The following SH3BGRL2 variants were observed in gnomAD, a reference collection of about 807,000 sequenced individuals.
SH3BGRL2 encodes the protein SH3 domain binding glutamate rich protein like 2, also known as SH3 domain-binding glutamic acid-rich-like protein 2.
A neutral mutation model predicts 14.8 loss-of-function variants in SH3BGRL2; 21 were observed. The observed-to-expected ratio is 1.42, with a 90% CI of 1.01 to 2.05. The LOEUF is 2.05. SH3BGRL2 is among the 30% of genes most tolerant of loss of function. The pLI is 0.00. For synonymous variants in SH3BGRL2, 50 were observed against 47.8 expected (o/e 1.05, Z -0.19); for missense variants, 147 against 130.8 (o/e 1.12, Z -0.61).
chr6:79,585,244 A>G, the SH3BGRL2 span, among the ~76,000 whole-genome samples: 3 of 152,106 alleles, frequency 2.0e-5, no homozygotes, highest in Admixed American at 1.3e-4. Flanking sequence ...TTTCAAGCCT[A>G]TAGCCTTCTT....
At chr6:79,600,530 G>T in the SH3BGRL2 span, among the ~76,000 whole-genome samples, 1 of 152,146 alleles carries the variant, frequency 6.6e-6, no homozygotes, top group Non-Finnish European at 1.5e-5. Context: ...GTCACAGTAG[G>T]CAGAAGGCAG....
At chr6:79,691,282 G>C (rs1348349157) in intron 2 of SH3BGRL2, among the ~76,000 whole-genome samples, 1 of 152,026 alleles carries the variant, frequency 6.6e-6, no homozygotes, top group African/African-American at 2.4e-5. Flanking sequence ...TCAAAGGAAA[G>C]GATTTAAGCA....
At chr6:79,552,605 C>G in the SH3BGRL2 span, among the ~76,000 whole-genome samples, 1 of 152,110 alleles carries the variant, frequency 6.6e-6, no homozygotes, top group Non-Finnish European at 1.5e-5. Flanking sequence ...TGGCCAGGAA[C>G]TCAGTTTTAA....
chr6:79,640,131 G>A (rs1052721481), intron 1 of SH3BGRL2, among the ~76,000 whole-genome samples: 2 of 152,130 alleles, frequency 1.3e-5, no homozygotes, highest in African/African-American at 4.8e-5. Flanking sequence ...GGGGTGGCTT[G>A]GAGGAGTAGG....
intron 1 of SH3BGRL2, among the ~76,000 whole-genome samples, chr6:79,635,939 G>A (rs75725908): frequency 6.6e-6 from 1 of 152,162 alleles, no homozygotes; most frequent in South Asian, 2.1e-4. Context: ...AGGCTTCCCT[G>A]TGTAAGGACA....
the SH3BGRL2 span, among the ~76,000 whole-genome samples, chr6:79,578,540 G>C: frequency 6.6e-6 from 1 of 151,548 alleles, no homozygotes; most frequent in Admixed American, 6.6e-5. Flanking sequence ...AACCCCAACA[G>C]ATCTGCAGCT....
At chr6:79,618,930 A>G in the SH3BGRL2 span, among the ~76,000 whole-genome samples, 1 of 151,062 alleles carries the variant, frequency 6.6e-6, no homozygotes, top group Non-Finnish European at 1.5e-5. Context: ...AAAAAAAGAT[A>G]AACAGTAAGT....
intron 2 of SH3BGRL2, among the ~76,000 whole-genome samples, chr6:79,676,605 ATGTGTGTG>A (rs58234438): frequency 2.9e-5 from 4 of 139,670 alleles, no homozygotes; most frequent in African/African-American, 5.3e-5. Context: ...GTCTTTATGT[ATGTGTGTG>A]TGTGTGTGTG....
At chr6:79,545,969 T>C in the SH3BGRL2 span, among the ~76,000 whole-genome samples, 5 of 152,134 alleles carry the variant, frequency 3.3e-5, no homozygotes, top group African/African-American at 1.2e-4. Context: ...TGTTTATGAA[T>C]AACACTGACT....
Position 79,673,819 on chromosome 6 carries a change from T to C in SH3BGRL2, c.231+20T>C, listed in dbSNP as rs974340705. On this transcript the variant is annotated intron_variant, in intron 2 of 3. Transcript: ENST00000369838. ...TGTGGAGTAAGTGGCTAGACTGTTA[T>C]CATGCTGTTTCTTTTTATTGTTCAG... 1.2e-6 allele frequency: 2 copies of C among 1,602,848 alleles called. No homozygotes were observed. Among genetic ancestry groups the C allele is most frequent in the Non-Finnish European group, 1.7e-6 (2 of 1,174,122 alleles).
chr6:79,630,353 C>T (rs1768798389), upstream of SH3BGRL2, among the ~76,000 whole-genome samples: 2 of 152,140 alleles, frequency 1.3e-5, no homozygotes, highest in South Asian at 2.1e-4. Flanking sequence ...GCTAAACTCC[C>T]GTGTTGAAAG....
the SH3BGRL2 span, among the ~76,000 whole-genome samples, chr6:79,567,842 CAT>C: frequency 0.022 from 3,389 of 152,168 alleles, 117 homozygotes; most frequent in African/African-American, 0.077. Context: ...TTTTCTAACA[CAT>C]GTTAATTAGA....
chr6:79,610,796 A>G, the SH3BGRL2 span, among the ~76,000 whole-genome samples: 1 of 152,188 alleles, frequency 6.6e-6, no homozygotes, highest in African/African-American at 2.4e-5. Context: ...ACTTACATTG[A>G]ACGTCCTGGC....
the SH3BGRL2 span, among the ~76,000 whole-genome samples, chr6:79,550,154 A>C: frequency 6.6e-6 from 1 of 152,198 alleles, no homozygotes; most frequent in South Asian, 2.1e-4. Context: ...ACAAAATGTC[A>C]TGACCGTGGG....
At chr6:79,568,740 A>AC in the SH3BGRL2 span, among the ~76,000 whole-genome samples, 1 of 152,076 alleles carries the variant, frequency 6.6e-6, no homozygotes, top group Non-Finnish European at 1.5e-5. Context: ...TTTTAAACTA[A>AC]CTTTTTAATT....
the SH3BGRL2 span, among the ~76,000 whole-genome samples, chr6:79,589,944 G>GT: frequency 8.5e-4 from 127 of 150,154 alleles, no homozygotes; most frequent in Middle Eastern, 0.024. Context: ...ACTAATTTTT[G>GT]TTTTTTTTTG....
At chr6:79,606,079 T>A in the SH3BGRL2 span, among the ~76,000 whole-genome samples, 1 of 152,038 alleles carries the variant, frequency 6.6e-6, no homozygotes, top group Admixed American at 6.5e-5. Context: ...AAACTGACAC[T>A]TAGGGGCAAA....
At chr6:79,597,517 GA>G in the SH3BGRL2 span, among the ~76,000 whole-genome samples, 3 of 152,064 alleles carry the variant, frequency 2.0e-5, no homozygotes, top group South Asian at 6.2e-4. Flanking sequence ...AATTCAACGA[GA>G]AAAAAATAGT....
the SH3BGRL2 span, among the ~76,000 whole-genome samples, chr6:79,545,358 C>G: frequency 6.6e-6 from 1 of 152,164 alleles, no homozygotes; most frequent in Non-Finnish European, 1.5e-5. Context: ...GAACTTTAAT[C>G]CAGTCAAATG....
Sources: gnomAD v4.1 joint callset for allele counts (sites outside exome capture counted in the v4.1 genomes callset) on GRCh38, gnomAD v4.1.1 for gene constraint, MANE v1.5 for transcripts, NCBI Gene and HGNC (gene_info 2026-07-23, HGNC 2026-07-21) for gene names.